Variants in ARIH2 observed in about 807,000 individuals in gnomAD.
ARIH2 encodes the protein ariadne RBR E3 ubiquitin protein ligase 2, also known as E3 ubiquitin-protein ligase ARIH2.
In ARIH2, 12 loss-of-function variants were observed where a neutral mutation model predicts 79.8. The observed-to-expected ratio is 0.15, with a 90% CI of 0.10 to 0.24. The LOEUF (loss-of-function observed/expected upper bound fraction) is 0.24. ARIH2 is among the 10% of genes least tolerant of loss of function. The pLI is 1.00. For missense variants in ARIH2, 301 were observed against 618.3 expected (o/e 0.49, Z 5.44); for synonymous variants, 224 against 213.9 (o/e 1.05, Z -0.41).
chr3:48,981,633 G>C lies in ARIH2; in HGVS notation c.1258-27G>C, dbSNP rs757668437. The C allele has an allele frequency of 1.6e-5, 25 of 1,599,422 alleles. No individual in the cohort carries two copies. In the East Asian group the frequency reaches 5.6e-4, roughly 36 times the overall value. On this transcript the variant is annotated intron_variant, in intron 13 of 15. Coordinates refer to ENST00000356401, the MANE Select transcript of ARIH2 (RefSeq NM_006321.4). ...CAGGTAGCTTAGAATCACAGACACA[G>C]GTTCCTTCTCTTCTCTCCTGTTGCA...
intron 3 of ARIH2, among the ~76,000 whole-genome samples, chr3:48,950,455 C>T (rs967239459): frequency 6.6e-6 from 1 of 152,196 alleles, no homozygotes; most frequent in African/African-American, 2.4e-5. Context: ...GTCTTGAAGT[C>T]AGATGGTGTA....
At position 48,985,318 on chromosome 3, in the gene ARIH2, C is replaced by T. The variant is rs373546975; in HGVS notation, c.*2048C>T. 3 of 152,176 alleles carry T rather than the reference C, an allele frequency of 2.0e-5. No homozygotes were observed. The East Asian group carries it at 5.8e-4, about 29-fold the overall frequency. 9.4% of individuals were successfully genotyped at this position (152,176 alleles called of 1,614,324 possible). ...CTCTTGGCCTGTGTAGAGCCCCCTCCTGTGCCCTCAGTGGCTGTCGTTTGT... is the reference window on the plus strand; with the variant it reads ...CTCTTGGCCTGTGTAGAGCCCCCTCTTGTGCCCTCAGTGGCTGTCGTTTGT... On this transcript the variant is annotated 3_prime_UTR_variant, in exon 16 of 16. Transcript: ENST00000356401.
chr3:48,929,406 T>C (rs1321286970), intron 3 of ARIH2, among the ~76,000 whole-genome samples: 1 of 152,074 alleles, frequency 6.6e-6, no homozygotes, highest in African/African-American at 2.4e-5. Flanking sequence ...CTGTTTTACA[T>C]TCTTCCTTCT....
chr3:48,945,262 A>G (rs1295119789), intron 3 of ARIH2: 8 of 1,229,170 alleles, frequency 6.5e-6, no homozygotes, highest in Non-Finnish European at 8.6e-6. Context: ...TTTGCAAGCT[A>G]TGTTGTTAAC....
intron 3 of ARIH2, among the ~76,000 whole-genome samples, chr3:48,929,317 G>A (rs1052911789): frequency 6.6e-6 from 1 of 151,478 alleles, no homozygotes; most frequent in Non-Finnish European, 1.5e-5. Flanking sequence ...GCACCTGTCC[G>A]TCCGTCCGTC....
At chr3:48,977,290 TTTTTG>T (rs952263535) in intron 11 of ARIH2, among the ~76,000 whole-genome samples, 5 of 151,886 alleles carry the variant, frequency 3.3e-5, no homozygotes, top group Admixed American at 2.0e-4. Flanking sequence ...GGAATGTGGT[TTTTTG>T]TTTTGTTTTG....
Position 48,918,983 on chromosome 3 carries a change from G to A in ARIH2, c.-177G>A. ...TGGCTTGTTCGGGCTCAGCGGCCGCGAGGCCGCAGCTCCCGGTAAGTGCGC... is the reference window on the plus strand; with the variant it reads ...TGGCTTGTTCGGGCTCAGCGGCCGCAAGGCCGCAGCTCCCGGTAAGTGCGC... On this transcript the variant is annotated 5_prime_UTR_variant, in exon 1 of 16. Coordinates refer to ENST00000356401, the MANE Select transcript of ARIH2 (RefSeq NM_006321.4). 6.9e-7 allele frequency: 1 copy of A among 1,457,230 alleles called. No homozygotes were observed. Among genetic ancestry groups the A allele is most frequent in the Non-Finnish European group, 9.0e-7 (1 of 1,111,724 alleles). 90.3% of individuals were successfully genotyped at this position (1,457,230 alleles called of 1,614,324 possible).
chr3:48,965,999 T>C (rs776542238), intron 5 of ARIH2, among the ~76,000 whole-genome samples: 1 of 152,040 alleles, frequency 6.6e-6, no homozygotes, highest in East Asian at 1.9e-4. Context: ...ACAAAGCCTG[T>C]CTCCTGGATC....
chr3:48,940,362 T>C (rs895836263), intron 3 of ARIH2, among the ~76,000 whole-genome samples: 2 of 151,544 alleles, frequency 1.3e-5, no homozygotes, highest in Non-Finnish European at 2.9e-5. Flanking sequence ...TTTAAAAAGA[T>C]AGATAGATAG....
chr3:48,964,862 A>G (rs1379446336), intron 4 of ARIH2, 57 bp from the exon 5 acceptor site: 4 of 1,338,236 alleles, frequency 3.0e-6, no homozygotes, highest in African/African-American at 2.9e-5. Flanking sequence ...GTTATTGTTC[A>G]GGGGTAAAAA....
chr3:48,924,245 T>C (rs1193678671), intron 2 of ARIH2, among the ~76,000 whole-genome samples: 2 of 152,092 alleles, frequency 1.3e-5, no homozygotes, highest in Non-Finnish European at 2.9e-5. Context: ...TCCTCCAGCC[T>C]CAGCCTCCCA....
intron 3 of ARIH2, among the ~76,000 whole-genome samples, chr3:48,928,597 T>C (rs957952552): frequency 5.9e-5 from 9 of 152,220 alleles, no homozygotes; most frequent in African/African-American, 2.2e-4. Flanking sequence ...ATTTTGTTTC[T>C]GATTAAATTG....
At chr3:48,966,693 C>T (rs2091820269) in intron 5 of ARIH2, among the ~76,000 whole-genome samples, 2 of 152,144 alleles carry the variant, frequency 1.3e-5, no homozygotes, top group African/African-American at 2.4e-5. Context: ...CTCTAATAAC[C>T]TTTGTGACTA....
chr3:48,933,635 C>A (rs564978664), intron 3 of ARIH2, among the ~76,000 whole-genome samples: 1 of 150,622 alleles, frequency 6.6e-6, no homozygotes, highest in Non-Finnish European at 1.5e-5. Flanking sequence ...CTGCAAGCTC[C>A]GCCTACCGGG....
At chr3:48,963,264 A>C (rs1233085445) in intron 4 of ARIH2, among the ~76,000 whole-genome samples, 2 of 152,186 alleles carry the variant, frequency 1.3e-5, no homozygotes, top group Admixed American at 6.5e-5. Context: ...ACTACTGCCC[A>C]AAACTCTGGA....
At position 48,950,136 on chromosome 3, in the gene ARIH2, T is replaced by G. The variant is rs188721185; in HGVS notation, c.256-11476T>G. ...GTAATGGTCTGTGTTCTGTGTTTTG[T>G]TTGTTATGTATAAACAATTATTCAG... On this transcript the variant is annotated intron_variant, in intron 3 of 15. Coordinates refer to ENST00000356401, the MANE Select transcript of ARIH2 (RefSeq NM_006321.4). 1.9e-4 allele frequency among the ~76,000 whole-genome samples: 29 copies of G among 152,320 alleles called. No individual in the cohort carries two copies. The East Asian group carries it at 3.1e-3, about 16-fold the overall frequency.
chr3:48,970,818 A>G, intron 8 of ARIH2, 114 bp downstream of exon 8: 1 of 740,030 alleles, frequency 1.4e-6, no homozygotes, highest in Non-Finnish European at 2.3e-6. Context: ...CTCTGAGCCA[A>G]CAGAACAGCT....
chr3:48,982,666 G>A (rs1046578250), intron 14 of ARIH2: 3 of 514,368 alleles, frequency 5.8e-6, no homozygotes, highest in Non-Finnish European at 1.0e-5. Flanking sequence ...AGTGTGGAGG[G>A]TGGAGTGGAC....
chr3:48,973,593 GAAAA>G, intron 8 of ARIH2, 102 bp from the exon 9 acceptor site: 1 of 580,582 alleles, frequency 1.7e-6, no homozygotes, highest in Non-Finnish European at 2.9e-6. Flanking sequence ...AAAAAAAAAA[GAAAA>G]AAGCTCTAAT....
Sources: gnomAD v4.1 joint callset for allele counts (sites outside exome capture counted in the v4.1 genomes callset) on GRCh38, gnomAD v4.1.1 for gene constraint, MANE v1.5 for transcripts, NCBI Gene and HGNC (gene_info 2026-07-23, HGNC 2026-07-21) for gene names.